BCKDHB: variants seen among roughly 807,000 people sequenced by gnomAD.
BCKDHB encodes the protein 2-oxoisovalerate dehydrogenase subunit beta, mitochondrial.
Under a neutral mutation model 48.5 loss-of-function variants are expected in BCKDHB, and 41 were observed. The observed-to-expected ratio is 0.85, with a 90% CI of 0.66 to 1.10. The LOEUF (loss-of-function observed/expected upper bound fraction) is 1.10. Among genes scored for constraint, BCKDHB ranks in the 50% least tolerant of loss-of-function variants. The pLI is 0.00. For synonymous variants in BCKDHB, 201 were observed against 174.8 expected, an observed-to-expected ratio of 1.15 and a Z score of -1.18; for missense variants, 496 against 494.2, an observed-to-expected ratio of 1.00 and a Z score of -0.03.
chr6:80,193,593 A>G (rs888599899), intron 6 of BCKDHB, among the ~76,000 whole-genome samples: 1 of 151,900 alleles, frequency 6.6e-6, no homozygotes, highest in South Asian at 2.1e-4. Context: ...GGTGGCGGGC[A>G]CCTGTAATCC....
At chr6:80,190,529 A>G (rs1773845895) in intron 6 of BCKDHB, among the ~76,000 whole-genome samples, 1 of 152,192 alleles carries the variant, frequency 6.6e-6, no homozygotes, top group Non-Finnish European at 1.5e-5. Flanking sequence ...GGATAAATCT[A>G]GTAGCAGTCA....
intron 9 of BCKDHB, among the ~76,000 whole-genome samples, chr6:80,293,297 TA>T (rs1767035718): frequency 6.6e-6 from 1 of 152,216 alleles, no homozygotes; most frequent in African/African-American, 2.4e-5. Flanking sequence ...CTCTGAAATC[TA>T]AGCCTAGGTT....
the BCKDHB span, among the ~76,000 whole-genome samples, chr6:80,370,465 T>C: frequency 6.6e-6 from 1 of 152,144 alleles, no homozygotes; most frequent in Non-Finnish European, 1.5e-5. Context: ...GTAAGTTCTC[T>C]AGTGGTGATT....
At chr6:80,192,213 C>A (rs927595564) in intron 6 of BCKDHB, among the ~76,000 whole-genome samples, 2 of 152,006 alleles carry the variant, frequency 1.3e-5, no homozygotes, top group African/African-American at 4.8e-5. Flanking sequence ...ATGGTTCATA[C>A]AATAATGATG....
At chr6:80,299,586 C>T (rs975896714) in intron 9 of BCKDHB, among the ~76,000 whole-genome samples, 1 of 152,088 alleles carries the variant, frequency 6.6e-6, no homozygotes, top group Non-Finnish European at 1.5e-5. Flanking sequence ...GAAATTCCAA[C>T]CAAGAATTTC....
At chr6:80,140,100 CTGTT>C (rs1220826807) in intron 3 of BCKDHB, among the ~76,000 whole-genome samples, 1 of 152,140 alleles carries the variant, frequency 6.6e-6, no homozygotes, top group Admixed American at 6.5e-5. Flanking sequence ...ATTTGGCTCT[CTGTT>C]TGTCTTTTAT....
intron 9 of BCKDHB, among the ~76,000 whole-genome samples, chr6:80,284,785 T>C (rs1766547014): frequency 6.6e-6 from 1 of 152,150 alleles, no homozygotes; most frequent in Non-Finnish European, 1.5e-5. Flanking sequence ...CAAGTCCTCA[T>C]TGTGTCCTGT....
downstream of BCKDHB, among the ~76,000 whole-genome samples, chr6:80,347,361 A>G (rs1582606526): frequency 6.6e-6 from 1 of 152,298 alleles, no homozygotes; most frequent in South Asian, 2.1e-4. Context: ...TGAGTTTAAG[A>G]TGCCAAAACT....
intron 8 of BCKDHB, among the ~76,000 whole-genome samples, chr6:80,269,762 G>A (rs942521739): frequency 3.3e-5 from 5 of 151,932 alleles, no homozygotes; most frequent in Non-Finnish European, 7.4e-5. Flanking sequence ...TATTTTATTT[G>A]GAAGAAAATA....
chr6:80,410,984 A>G, the BCKDHB span, among the ~76,000 whole-genome samples: 2 of 152,082 alleles, frequency 1.3e-5, no homozygotes, highest in South Asian at 4.1e-4. Flanking sequence ...GTTTTGTTCC[A>G]TTGCTGGTGA....
At chr6:80,165,891 C>T (rs901397327) in intron 3 of BCKDHB, among the ~76,000 whole-genome samples, 2 of 152,158 alleles carry the variant, frequency 1.3e-5, no homozygotes, top group Non-Finnish European at 2.9e-5. Context: ...AGTTTTTGCA[C>T]AGATTTTGGG....
the BCKDHB span, among the ~76,000 whole-genome samples, chr6:80,458,434 TG>T: frequency 8.5e-5 from 13 of 152,216 alleles, no homozygotes; most frequent in African/African-American, 2.4e-4. Flanking sequence ...GTTTAGTGGA[TG>T]GAAGAAGCAG....
At chr6:80,311,367 A>G (rs1339966506) in intron 9 of BCKDHB, among the ~76,000 whole-genome samples, 1 of 152,184 alleles carries the variant, frequency 6.6e-6, no homozygotes, top group African/African-American at 2.4e-5. Flanking sequence ...ATAGATTGCA[A>G]AAATTTTCTC....
the BCKDHB span, among the ~76,000 whole-genome samples, chr6:80,359,897 G>A: frequency 3.9e-5 from 6 of 152,030 alleles, no homozygotes; most frequent in South Asian, 2.1e-4. Context: ...GCCAACACAC[G>A]TGTTTAAATA....
At chr6:80,260,665 G>C (rs1740682445) in intron 8 of BCKDHB, among the ~76,000 whole-genome samples, 1 of 152,064 alleles carries the variant, frequency 6.6e-6, no homozygotes, top group African/African-American at 2.4e-5. Context: ...TTGTTTTTCT[G>C]GGTTTTAGAA....
intron 8 of BCKDHB, among the ~76,000 whole-genome samples, chr6:80,254,104 C>A (rs188015302): frequency 3.3e-5 from 5 of 151,830 alleles, no homozygotes; most frequent in Non-Finnish European, 7.4e-5. Flanking sequence ...GGATGGGCAT[C>A]GAATCACTGT....
intron 9 of BCKDHB, among the ~76,000 whole-genome samples, chr6:80,341,328 CCTTT>C (rs1769892471): frequency 6.6e-6 from 1 of 152,128 alleles, no homozygotes; most frequent in Non-Finnish European, 1.5e-5. Context: ...TTACTGTTTT[CCTTT>C]ATTTCAGCAT....
Position 80,140,913 on chromosome 6 carries a change from G to A in BCKDHB, c.343+11684G>A, listed in dbSNP as rs574244664. Among the ~76,000 whole-genome samples, 1,489 of 152,162 alleles carry A rather than the reference G, an allele frequency of 9.8e-3. 32 individuals carry two copies. Among genetic ancestry groups the A allele is most frequent in the African/African-American group, 0.034 (1,394 of 41,502 alleles). Reference sequence around the variant, plus strand: ...CCTCCTTGTACCTCTGGTAGAATTCGGCTGTGAATCCATCTGGTCCTGGAC... The same window carrying A: ...CCTCCTTGTACCTCTGGTAGAATTCAGCTGTGAATCCATCTGGTCCTGGAC... On this transcript the variant is annotated intron_variant, in intron 3 of 9. Coordinates refer to ENST00000320393, the MANE Select transcript of BCKDHB (RefSeq NM_183050.4).
rs1180320832 is a variant in BCKDHB at position 80,345,615 on chromosome 6, A to G, written c.*1811A>G. ...TCTCAGACATACCGGTGTAGATGCT[A>G]TATTTCTGATGTCTTCTTAATGTCT... On this transcript the variant is annotated 3_prime_UTR_variant, in exon 10 of 10. Transcript: ENST00000320393. 1.3e-5 allele frequency: 2 copies of G among 151,618 alleles called. No individual in the cohort carries two copies. Among genetic ancestry groups the G allele is most frequent in the Non-Finnish European group, 2.9e-5 (2 of 67,840 alleles). The allele number at this position is 151,618 out of a possible 1,614,324, so 9.4% of individuals were successfully genotyped here. A position where few individuals can be genotyped will look rare whatever the true frequency, so the allele number is the denominator to read the frequency against.
Sources: gnomAD v4.1 joint callset for allele counts (sites outside exome capture counted in the v4.1 genomes callset) on GRCh38, gnomAD v4.1.1 for gene constraint, MANE v1.5 for transcripts, NCBI Gene and HGNC (gene_info 2026-07-23, HGNC 2026-07-21) for gene names.